The following FAM13C variants were observed in gnomAD, a reference collection of about 807,000 sequenced individuals.
FAM13C encodes the protein family with sequence similarity 13 member C, also known as protein FAM13C.
Under a neutral mutation model 73.2 loss-of-function variants are expected in FAM13C, and 37 were observed. The observed-to-expected ratio is 0.51, with a 90% CI of 0.39 to 0.67. The LOEUF (loss-of-function observed/expected upper bound fraction) is 0.67. FAM13C is among the 30% of genes least tolerant of loss of function. The probability of loss-of-function intolerance (pLI) is 0.00; values close to 1 mark genes in which losing one functional copy is unlikely to be tolerated. For synonymous variants in FAM13C, 246 were observed against 260.9 expected (o/e 0.94, Z 0.55); for missense variants, 589 against 715.6 (o/e 0.82, Z 2.02).
chr10:59,319,439 G>A lies in FAM13C; in HGVS notation c.443+4549C>T, dbSNP rs144952583. On this transcript the variant is annotated intron_variant, in intron 4 of 13. Transcript: ENST00000618804. Reference sequence around the variant, plus strand: ...TTAACAACATTAAAGGTTTAATGTCGTCATAAATTTTAATACAATATTTTA... The same window carrying A: ...TTAACAACATTAAAGGTTTAATGTCATCATAAATTTTAATACAATATTTTA... 4.9e-3 allele frequency among the ~76,000 whole-genome samples: 746 copies of A among 152,234 alleles called. 2 individuals carry two copies. Among genetic ancestry groups the A allele is most frequent in the African/African-American group, 0.017 (693 of 41,536 alleles).
intron 6 of FAM13C, among the ~76,000 whole-genome samples, chr10:59,276,371 G>A (rs1844323645): frequency 6.6e-6 from 1 of 152,136 alleles, no homozygotes; most frequent in African/African-American, 2.4e-5. Context: ...AGTACAGAAA[G>A]AATTCCCAGC....
chr10:59,324,188 G>A (rs1850763364), intron 3 of FAM13C, 82 bp from the exon 4 acceptor site: 2 of 1,117,990 alleles, frequency 1.8e-6, no homozygotes, highest in Non-Finnish European at 2.6e-6. Context: ...GTGGGTCTCG[G>A]GGCAGGGAAG....
rs139274373 is a variant in FAM13C, at chr10:59,283,826, T to C, written c.508-379A>G. On this transcript the variant is annotated intron_variant, in intron 5 of 13. Transcript: ENST00000618804. Reference sequence around the variant, plus strand: ...TCTGCTTCCCGGGTGCTTGAGGCTTTACGCTTTGAGTGTTTCATTCATTGT... The same window carrying C: ...TCTGCTTCCCGGGTGCTTGAGGCTTCACGCTTTGAGTGTTTCATTCATTGT... 390 of 470,128 alleles carry C rather than the reference T, an allele frequency of 8.3e-4. 5 individuals are homozygous for C. The highest frequency in any genetic ancestry group is 6.9e-3 in the African/African-American group (362 of 52,514). The allele number at this position is 470,128 out of a possible 1,614,324, so 29.1% of individuals were successfully genotyped here. A position where few individuals can be genotyped will look rare whatever the true frequency, so the allele number is the denominator to read the frequency against.
rs74153325 is a variant in FAM13C at position 59,309,343 on chromosome 10, C to T, written c.444-6479G>A. ...TTCCCCTCTACCCTCCTCAGGCCAC[C>T]GTTCACACAAGATCTTTCACTACCC... On this transcript the variant is annotated intron_variant, in intron 4 of 13. Transcript: ENST00000618804. Among the ~76,000 whole-genome samples, 625 of 152,250 alleles carry T rather than the reference C, an allele frequency of 4.1e-3. 4 individuals are homozygous for T. Among genetic ancestry groups the T allele is most frequent in the African/African-American group, 0.014 (590 of 41,552 alleles).
At chr10:59,344,062 C>T (rs1853904653) in intron 3 of FAM13C, among the ~76,000 whole-genome samples, 2 of 150,384 alleles carry the variant, frequency 1.3e-5, no homozygotes, top group South Asian at 4.2e-4. Context: ...CCCGGGTTCC[C>T]GCCATTCTTC....
chr10:59,356,947 G>C (rs140794287), intron 1 of FAM13C, among the ~76,000 whole-genome samples: 1 of 152,284 alleles, frequency 6.6e-6, no homozygotes, highest in East Asian at 1.9e-4. Context: ...TCTTGTGCTG[G>C]ATGCTTCCAG....
At chr10:59,284,622 G>A (rs1285614148) in intron 5 of FAM13C, among the ~76,000 whole-genome samples, 1 of 140,246 alleles carries the variant, frequency 7.1e-6, no homozygotes, top group Non-Finnish European at 1.5e-5. Context: ...AGCCCCTAGT[G>A]ATCACCTCCA....
chr10:59,265,700 A>C (rs1279155347), intron 8 of FAM13C, among the ~76,000 whole-genome samples: 1 of 152,160 alleles, frequency 6.6e-6, no homozygotes, highest in Admixed American at 6.5e-5. Flanking sequence ...GGTGCATAGA[A>C]CTTAGAAGAA....
chr10:59,310,108 C>G (rs541769972), intron 4 of FAM13C, among the ~76,000 whole-genome samples: 9 of 152,308 alleles, frequency 5.9e-5, no homozygotes, highest in Admixed American at 2.6e-4. Flanking sequence ...ATCCAACACA[C>G]TTTTCAGAAT....
intron 3 of FAM13C, among the ~76,000 whole-genome samples, chr10:59,325,311 C>A (rs898956817): frequency 6.6e-6 from 1 of 152,028 alleles, no homozygotes; most frequent in African/African-American, 2.4e-5. Context: ...GGCTTTTTGC[C>A]AAGAAGTCAT....
At chr10:59,305,536 C>A (rs1027549085) in intron 4 of FAM13C, among the ~76,000 whole-genome samples, 10 of 152,184 alleles carry the variant, frequency 6.6e-5, no homozygotes, top group Admixed American at 6.5e-5. Flanking sequence ...TATATGTCCT[C>A]TAAATGGGCA....
At chr10:59,309,602 A>G (rs559427944) in intron 4 of FAM13C, among the ~76,000 whole-genome samples, 18 of 152,266 alleles carry the variant, frequency 1.2e-4, no homozygotes, top group African/African-American at 4.3e-4. Flanking sequence ...TAAGTAACTC[A>G]TTCATACTTT....
rs931531786 is a variant in FAM13C at position 59,268,635 on chromosome 10, G to C, written c.860C>G (p.Thr287Ser). The C allele has an allele frequency of 6.2e-7, 1 of 1,613,524 alleles. No homozygotes were observed. The highest frequency in any genetic ancestry group is 8.5e-7 in the Non-Finnish European group (1 of 1,179,830). ...CGDGKEPQTITQLTKHIQSLK... is the reference protein window; with the variant it reads ...CGDGKEPQTISQLTKHIQSLK... ...GCTCTGGATGTGCTTGGTGAGCTGG[G>C]TGATGGTCTGTGGCTCCTTGCCATC... Residue 287 changes from threonine (T) to serine (S), a missense_variant, in exon 8 of 14, where the codon ACC becomes AGC. Transcript: ENST00000618804.
chr10:59,304,816 A>AGGGAAGGGAAGGGAAGGGAAGGGAAGGAG (rs1848039023), intron 4 of FAM13C, among the ~76,000 whole-genome samples: 1 of 53,472 alleles, frequency 1.9e-5, no homozygotes, highest in African/African-American at 6.4e-5. Context: ...AAGGGAAGGA[A>AGGGAAGGGAAGGGAAGGGAAGGGAAGGAG]AGGGGAAGGG....
chr10:59,326,364 G>T (rs527969146), intron 3 of FAM13C, among the ~76,000 whole-genome samples: 2 of 152,160 alleles, frequency 1.3e-5, no homozygotes, highest in South Asian at 4.2e-4. Context: ...ACCTCAAGAT[G>T]GTATGGAGAA....
intron 4 of FAM13C, among the ~76,000 whole-genome samples, chr10:59,304,744 C>G (rs549226144): frequency 8.3e-4 from 70 of 84,336 alleles, no homozygotes; most frequent in Non-Finnish European, 1.4e-3. Context: ...GTACCCTGAA[C>G]TTAAAATAAA....
At chr10:59,253,386 G>A (rs189458640) in intron 11 of FAM13C, among the ~76,000 whole-genome samples, 20 of 152,312 alleles carry the variant, frequency 1.3e-4, no homozygotes, top group Admixed American at 2.6e-4. Flanking sequence ...GTGGACTACG[G>A]ACAACTTTTA....
chr10:59,333,355 G>T (rs1456677952), intron 3 of FAM13C, among the ~76,000 whole-genome samples: 4 of 152,074 alleles, frequency 2.6e-5, no homozygotes, highest in Admixed American at 6.6e-5. Flanking sequence ...GGGCACGGTG[G>T]CACATGCCAG....
chr10:59,253,267 C>A (rs1409610315), intron 11 of FAM13C, among the ~76,000 whole-genome samples: 1 of 152,206 alleles, frequency 6.6e-6, no homozygotes, highest in Non-Finnish European at 1.5e-5. Flanking sequence ...AATGAAGGCA[C>A]AGACCATTAG....
Sources: gnomAD v4.1 joint callset for allele counts (sites outside exome capture counted in the v4.1 genomes callset) on GRCh38, gnomAD v4.1.1 for gene constraint, MANE v1.5 for transcripts, NCBI Gene and HGNC (gene_info 2026-07-23, HGNC 2026-07-21) for gene names.